AMBRA1: variants seen among roughly 807,000 people sequenced by gnomAD.
AMBRA1 encodes the protein activating molecule in BECN1-regulated autophagy protein 1.
AMBRA1 carries 47 observed loss-of-function variants against 125.4 expected under a neutral mutation model. That is an observed-to-expected ratio of 0.37 (90% CI 0.30 to 0.48). The LOEUF is 0.48. Among genes scored for constraint, AMBRA1 ranks in the 20% least tolerant of loss-of-function variants. The pLI, the probability that AMBRA1 is intolerant of heterozygous loss-of-function variation, is 0.99. For missense variants in AMBRA1, 1,331 were observed against 1,693.4 expected, an observed-to-expected ratio of 0.79 and a Z score of 3.76; for synonymous variants, 626 against 655.5, an observed-to-expected ratio of 0.95 and a Z score of 0.69.
At chr11:46,587,228 A>G (rs1190702986) in intron 1 of AMBRA1, among the ~76,000 whole-genome samples, 1 of 151,922 alleles carries the variant, frequency 6.6e-6, no homozygotes, top group Non-Finnish European at 1.5e-5. Context: ...CAAAATACAA[A>G]AATTAGCCGG....
intron 7 of AMBRA1, among the ~76,000 whole-genome samples, chr11:46,519,837 C>A (rs1007320493): frequency 6.6e-6 from 1 of 152,176 alleles, no homozygotes; most frequent in African/African-American, 2.4e-5. Flanking sequence ...CCCAGGACTC[C>A]TTTAACACTC....
chr11:46,503,060 CAAAAAAAA>C (rs35217088), intron 9 of AMBRA1, among the ~76,000 whole-genome samples: 161 of 31,004 alleles, frequency 5.2e-3, no homozygotes, highest in African/African-American at 5.9e-3. Context: ...GACTCTGTCT[CAAAAAAAA>C]AAAAAAAAAA....
intron 11 of AMBRA1, among the ~76,000 whole-genome samples, chr11:46,477,152 G>A (rs1430705084): frequency 1.3e-5 from 2 of 151,422 alleles, no homozygotes; most frequent in African/African-American, 4.9e-5. Flanking sequence ...AACAGATAAA[G>A]GGAGAAAGGT....
At chr11:46,468,791 G>A (rs1351753461) in intron 11 of AMBRA1, among the ~76,000 whole-genome samples, 2 of 148,978 alleles carry the variant, frequency 1.3e-5, no homozygotes, top group Non-Finnish European at 3.0e-5. Flanking sequence ...CAGCCTGGGC[G>A]GCAACAGAGT....
intron 11 of AMBRA1, 74 bp from the exon 12 acceptor site, chr11:46,443,672 C>A: frequency 7.8e-7 from 1 of 1,285,444 alleles, no homozygotes; most frequent in Non-Finnish European, 1.1e-6. Context: ...TAAAACAATA[C>A]TGGGATTAGT....
intron 11 of AMBRA1, among the ~76,000 whole-genome samples, chr11:46,479,031 T>C (rs574318810): frequency 6.6e-6 from 1 of 152,044 alleles, no homozygotes; most frequent in African/African-American, 2.4e-5. Flanking sequence ...AAACCCTGTC[T>C]CTACAAAAAA....
intron 11 of AMBRA1, among the ~76,000 whole-genome samples, chr11:46,447,604 C>T (rs1307599600): frequency 6.6e-6 from 1 of 151,766 alleles, no homozygotes; most frequent in Non-Finnish European, 1.5e-5. Flanking sequence ...TCCCAGCTAC[C>T]CAGGAGACTG....
At chr11:46,546,477 G>C (rs1279753491) in intron 4 of AMBRA1, among the ~76,000 whole-genome samples, 1 of 152,092 alleles carries the variant, frequency 6.6e-6, no homozygotes, top group Non-Finnish European at 1.5e-5. Flanking sequence ...TCTGTACTTA[G>C]GCAAAGATGC....
Position 46,418,075 on chromosome 11 carries a change from A to G in AMBRA1, c.2977-23T>C, listed in dbSNP as rs918128799. 27 of 1,536,644 alleles carry G rather than the reference A, an allele frequency of 1.8e-5. No homozygotes were observed. In the Admixed American group the frequency reaches 3.5e-4, roughly 20 times the overall value. On this transcript the variant is annotated intron_variant, in intron 14 of 17. Transcript: ENST00000683756. Reference sequence around the variant, plus strand: ...TCTCTAGGTAGAGGAAAAGAGGGAAAAAAAGAGAATGGGAGGAGAAACAAT... The same window carrying G: ...TCTCTAGGTAGAGGAAAAGAGGGAAGAAAAGAGAATGGGAGGAGAAACAAT...
chr11:46,564,255 A>G (rs2043444015), intron 1 of AMBRA1, among the ~76,000 whole-genome samples: 1 of 151,952 alleles, frequency 6.6e-6, no homozygotes, highest in Admixed American at 6.6e-5. Context: ...TATGTATCCA[A>G]TTACATATGA....
At chr11:46,482,753 G>T (rs1950121253) in intron 11 of AMBRA1, among the ~76,000 whole-genome samples, 1 of 152,160 alleles carries the variant, frequency 6.6e-6, no homozygotes, top group Admixed American at 6.5e-5. Context: ...GCTCACGCCT[G>T]TAATCCCAGC....
chr11:46,515,674 A>ATTTTTAT (rs1951447040), intron 7 of AMBRA1, among the ~76,000 whole-genome samples: 4 of 151,822 alleles, frequency 2.6e-5, no homozygotes, highest in Non-Finnish European at 4.4e-5. Context: ...TAATGACTCC[A>ATTTTTAT]TTTTTATTTT....
At chr11:46,535,042 AGTTT>A (rs1485993645) in intron 7 of AMBRA1, among the ~76,000 whole-genome samples, 4 of 152,186 alleles carry the variant, frequency 2.6e-5, no homozygotes, top group Non-Finnish European at 1.5e-5. Context: ...TCTTAAAATA[AGTTT>A]GTTAATTCCA....
Position 46,508,283 on chromosome 11 carries a change from T to C in AMBRA1, c.2247A>G (p.Gln749=), listed in dbSNP as rs767102032. 2.7e-5 allele frequency: 43 copies of C among 1,614,082 alleles called. No individual in the cohort carries two copies. Among genetic ancestry groups the C allele is most frequent in the Non-Finnish European group, 3.6e-5 (42 of 1,180,040 alleles). Residue 749 remains glutamine (Q), a synonymous_variant, in exon 9 of 18, where the codon CAA becomes CAG. Coordinates refer to ENST00000683756, the MANE Select transcript of AMBRA1 (RefSeq NM_001387011.1). The part of the protein sequence containing the change: ...DSIRQRSMRY[Q]QNRLRSSTSS... ...AGGTGGAAGAACGGAGACGGTTCTG[T>C]TGGTAGCGCATGGAGCGCTGGCGAA...
intron 11 of AMBRA1, among the ~76,000 whole-genome samples, chr11:46,471,087 G>A (rs957139475): frequency 1.8e-4 from 27 of 152,164 alleles, no homozygotes; most frequent in Admixed American, 6.5e-5. Context: ...GGAGGAAATT[G>A]AGGCTCAGAT....
At chr11:46,535,513 TAAAG>T (rs1952429231) in intron 7 of AMBRA1, among the ~76,000 whole-genome samples, 1 of 152,116 alleles carries the variant, frequency 6.6e-6, no homozygotes, top group African/African-American at 2.4e-5. Flanking sequence ...CACAGAAACT[TAAAG>T]AAAAAGCATC....
chr11:46,434,166 G>A (rs372496804), intron 13 of AMBRA1, among the ~76,000 whole-genome samples: 2 of 141,986 alleles, frequency 1.4e-5, no homozygotes, highest in African/African-American at 2.6e-5. Flanking sequence ...AATGCTAACC[G>A]TTGTTATCAA....
At chr11:46,516,837 C>T (rs377122079) in intron 7 of AMBRA1, among the ~76,000 whole-genome samples, 3 of 152,158 alleles carry the variant, frequency 2.0e-5, no homozygotes, top group East Asian at 3.9e-4. Context: ...CTGCTGTGAC[C>T]ACCACAAACT....
chr11:46,425,310 T>TTGTGTGTG (rs34321655), intron 14 of AMBRA1, among the ~76,000 whole-genome samples: 7,952 of 135,390 alleles, frequency 0.059, 244 homozygotes, highest in African/African-American at 0.088. Context: ...CTTGATCCAT[T>TTGTGTGTG]TGTGTGTGTG....
Sources: gnomAD v4.1 joint callset for allele counts (sites outside exome capture counted in the v4.1 genomes callset) on GRCh38, gnomAD v4.1.1 for gene constraint, MANE v1.5 for transcripts, NCBI Gene and HGNC (gene_info 2026-07-23, HGNC 2026-07-21) for gene names.